Variants in BRCA2 observed in about 807,000 individuals in gnomAD.
BRCA2 encodes the protein BRCA2 DNA repair associated.
A neutral mutation model predicts 276.7 loss-of-function variants in BRCA2; 203 were observed. That is an observed-to-expected ratio of 0.73 (90% CI 0.65 to 0.82). The LOEUF is 0.82. BRCA2 is among the 40% of genes least tolerant of loss of function. BRCA2 has a pLI of 0.00. For synonymous variants in BRCA2, 1,289 were observed against 1,338.4 expected (o/e 0.96, Z 0.81); for missense variants, 3,920 against 3,915.0 (o/e 1.00, Z -0.03).
chr13:32,344,742 A>G (rs1566237078), intron 12 of BRCA2, 89 bp downstream of exon 12: 1 of 935,808 alleles, frequency 1.1e-6, no homozygotes, highest in Non-Finnish European at 1.7e-6. Context: ...TGCCTCTCAA[A>G]GTGCTGGGAT....
At chr13:32,393,732 CCCTCTCAGCAGACA>C (rs1283277320) in intron 24 of BRCA2, among the ~76,000 whole-genome samples, 2 of 152,110 alleles carry the variant, frequency 1.3e-5, no homozygotes, top group Non-Finnish European at 2.9e-5. Flanking sequence ...TACTGCCAGG[CCCTCTCAGCAGACA>C]GAGGTGGGAA....
At chr13:32,358,218 G>T (rs574103069) in intron 16 of BRCA2, among the ~76,000 whole-genome samples, 5 of 152,328 alleles carry the variant, frequency 3.3e-5, no homozygotes, top group Non-Finnish European at 5.9e-5. Context: ...GCTCATGCCT[G>T]TAATCCCAGC....
chr13:32,320,222 G>A (rs527941400), intron 3 of BRCA2, among the ~76,000 whole-genome samples: 1 of 152,302 alleles, frequency 6.6e-6, no homozygotes, highest in East Asian at 1.9e-4. Context: ...GAATTTGTTT[G>A]GTTGGTTGGT....
intron 26 of BRCA2, 41 bp downstream of exon 26, chr13:32,397,085 T>C: frequency 6.3e-7 from 1 of 1,587,178 alleles, no homozygotes; most frequent in Non-Finnish European, 8.7e-7. Flanking sequence ...AAGAAGTATA[T>C]ATGGAGGCCA....
chr13:32,349,104 C>G (rs1402797443), intron 13 of BRCA2, among the ~76,000 whole-genome samples: 2 of 151,638 alleles, frequency 1.3e-5, no homozygotes, highest in Non-Finnish European at 2.9e-5. Context: ...CGCCTGTAAT[C>G]CCAGCTACTC....
In BRCA2 at chr13:32,355,106, G is replaced by C. The variant is rs398122578; in HGVS notation, c.7253G>C (p.Arg2418Thr). The change falls in exon 14 of 27, where the codon AGA becomes ACA. Residue 2418 changes from arginine to threonine, a missense_variant. Around this residue, in one of 2 missense-constraint regions of BRCA2, gnomAD observed 3,263 missense variants for 3,156.9 expected, o/e 1.03. Transcript: ENST00000380152. ...TTTAAAACTAAATCACATTTTCACA[G>C]AGTTGAACAGTGTGTTAGGAATATT... ...PPFKTKSHFH[R>T]VEQCVRNINL... The C allele has an allele frequency of 1.2e-6, 2 of 1,613,594 alleles. No homozygotes were observed. Among genetic ancestry groups the C allele is most frequent in the South Asian group, 1.1e-5 (1 of 91,078 alleles).
chr13:32,350,621 T>C (rs2072642297), intron 13 of BRCA2, among the ~76,000 whole-genome samples: 1 of 151,758 alleles, frequency 6.6e-6, no homozygotes, highest in African/African-American at 2.4e-5. Flanking sequence ...GACGTAGTGG[T>C]GGGCGCCTGT....
rs81002880 is a variant in BRCA2 at position 32,326,089 on chromosome 13, G to A, written c.426-12G>A. Reference sequence around the variant, plus strand: ...TAAAATAACCTAAGGGATTTGCTTTGTTTTATTTTAGTCCTGTTGTTCTAC... The same window carrying A: ...TAAAATAACCTAAGGGATTTGCTTTATTTTATTTTAGTCCTGTTGTTCTAC... On this transcript the variant is annotated splice_polypyrimidine_tract_variant and intron_variant, in intron 4 of 26. Coordinates refer to ENST00000380152, the MANE Select transcript of BRCA2 (RefSeq NM_000059.4). 11 of 1,605,332 alleles carry A rather than the reference G, an allele frequency of 6.9e-6. No individual in the cohort carries two copies. The highest frequency in any genetic ancestry group is 9.4e-6 in the Non-Finnish European group (11 of 1,175,078).
intron 20 of BRCA2, among the ~76,000 whole-genome samples, chr13:32,372,168 A>G (rs1851578289): frequency 6.6e-6 from 1 of 152,250 alleles, no homozygotes; most frequent in African/African-American, 2.4e-5. Context: ...TGCTTTCATA[A>G]TTGGAGTCAA....
rs71071031 is a variant in BRCA2 at position 32,368,001 on chromosome 13, C to CTTTTTTTTT, written c.8332-2373_8332-2365dup. On this transcript the variant is annotated intron_variant, in intron 18 of 26. Transcript: ENST00000380152. ...ATTAGGGTTGTCTTTTCTTCTAATTCTTTTTTTTTTTTTTTTTTTTTTTTT... is the reference window on the plus strand; with the variant it reads ...ATTAGGGTTGTCTTTTCTTCTAATTCTTTTTTTTTTTTTTTTTTTTTTTTTTTTTTTTTT... 4.5e-4 allele frequency among the ~76,000 whole-genome samples: 23 copies of CTTTTTTTTT among 50,768 alleles called. 8 individuals are homozygous for CTTTTTTTTT. Among genetic ancestry groups the CTTTTTTTTT allele is most frequent in the Middle Eastern group, 0.04 (2 of 50 alleles). 33.3% of individuals were successfully genotyped at this position (50,768 alleles called of 152,430 possible). A position where few individuals can be genotyped will look rare whatever the true frequency, so the allele number is the denominator to read the frequency against.
rs572714405 is a variant in BRCA2 at position 32,376,909 on chromosome 13, G to A, written c.8754+118G>A. On this transcript the variant is annotated intron_variant, in intron 21 of 26. Transcript: ENST00000380152. ...TTGAAATGCTGCATTTCTCAAAAGG[G>A]ATGTGTACATTTCTGGGATTTTCAG... is the stretch of plus-strand genomic sequence containing the variant. 49 of 1,418,904 alleles carry A rather than the reference G, an allele frequency of 3.5e-5. No individual in the cohort carries two copies. The South Asian group carries it at 5.4e-4, about 16-fold the overall frequency. 87.9% of individuals were successfully genotyped at this position (1,418,904 alleles called of 1,614,324 possible). A position where few individuals can be genotyped will look rare whatever the true frequency, so the allele number is the denominator to read the frequency against.
intron 24 of BRCA2, among the ~76,000 whole-genome samples, chr13:32,387,130 T>C (rs2072966188): frequency 6.6e-6 from 1 of 152,172 alleles, no homozygotes; most frequent in Non-Finnish European, 1.5e-5. Flanking sequence ...CCAGTCATTA[T>C]ATTAGAGCCT....
intron 25 of BRCA2, 140 bp downstream of exon 25, chr13:32,395,073 T>C: frequency 8.3e-7 from 1 of 1,207,364 alleles, no homozygotes. Context: ...TAATTGCCCA[T>C]GAACCTCAGG....
chr13:32,375,346 C>T (rs2137609240), intron 20 of BRCA2: 1 of 449,786 alleles, frequency 2.2e-6, no homozygotes, highest in East Asian at 7.0e-5. Flanking sequence ...TATGCAGTTA[C>T]TTCCTCCACT....
At chr13:32,367,157 G>C (rs1017355209) in intron 18 of BRCA2, among the ~76,000 whole-genome samples, 3 of 152,148 alleles carry the variant, frequency 2.0e-5, no homozygotes, top group Non-Finnish European at 4.4e-5. Flanking sequence ...ATAACAGGCT[G>C]GGCACACTGG....
chr13:32,339,203 A>C lies in BRCA2; in HGVS notation c.4848A>C (p.Leu1616Phe), dbSNP rs876659259. ...SIETVVPPKLLSDNLCRQTEN... is the reference protein window; with the variant it reads ...SIETVVPPKLFSDNLCRQTEN... ...AGACTGTGGTGCCACCTAAGCTCTT[A>C]AGTGATAATTTATGTAGACAAACTG... Residue 1616 changes from leucine to phenylalanine, a missense_variant, in exon 11 of 27, where the codon TTA becomes TTC. Physicochemically the swap from Leu to Phe is conservative, Grantham distance 22. This residue lies in a region of BRCA2 where 3,263 missense variants were observed against 3,156.9 expected (regional missense o/e 1.03). Coordinates refer to ENST00000380152, the MANE Select transcript of BRCA2 (RefSeq NM_000059.4). 1 of 1,613,540 alleles carries C rather than the reference A, an allele frequency of 6.2e-7. No individual in the cohort carries two copies. The highest frequency in any genetic ancestry group is 8.5e-7 in the Non-Finnish European group (1 of 1,179,536).
intron 18 of BRCA2, among the ~76,000 whole-genome samples, chr13:32,364,260 G>T (rs1260293151): frequency 6.6e-6 from 1 of 151,518 alleles, no homozygotes; most frequent in South Asian, 2.1e-4. Flanking sequence ...TCAAATCAAT[G>T]CATGTGCATA....
intron 11 of BRCA2, 63 bp from the exon 12 acceptor site, chr13:32,344,495 A>G (rs1566236778): frequency 8.9e-7 from 1 of 1,118,466 alleles, no homozygotes; most frequent in Non-Finnish European, 1.3e-6. Flanking sequence ...TGGTCTATAG[A>G]CTTTTGAGAA....
chr13:32,375,590 C>T (rs1186581226), intron 20 of BRCA2, among the ~76,000 whole-genome samples: 5 of 134,490 alleles, frequency 3.7e-5, no homozygotes, highest in African/African-American at 5.6e-5. Flanking sequence ...GATGGAGTTT[C>T]GCACTTGTTG....
Sources: gnomAD v4.1 joint callset for allele counts (sites outside exome capture counted in the v4.1 genomes callset) on GRCh38, gnomAD v4.1.1 for gene constraint, gnomAD v4.1.1 regional missense constraint, MANE v1.5 for transcripts, NCBI Gene and HGNC (gene_info 2026-07-23, HGNC 2026-07-21) for gene names.